Variants in GALNTL6 observed in about 807,000 individuals in gnomAD.
The protein encoded by GALNTL6 is polypeptide N-acetylgalactosaminyltransferase-like 6.
Under a neutral mutation model 73.7 loss-of-function variants are expected in GALNTL6, and 46 were observed. The observed-to-expected ratio is 0.62, with a 90% CI of 0.49 to 0.80. GALNTL6 has a LOEUF of 0.80. GALNTL6 is among the 30% of genes least tolerant of loss of function. GALNTL6 has a pLI of 0.00. For synonymous variants in GALNTL6, 259 were observed against 263.7 expected (o/e 0.98, Z 0.17); for missense variants, 604 against 755.0 (o/e 0.80, Z 2.34).
intron 5 of GALNTL6, among the ~76,000 whole-genome samples, chr4:172,412,692 T>C (rs187268130): frequency 6.6e-6 from 1 of 152,180 alleles, no homozygotes; most frequent in Admixed American, 6.6e-5. Flanking sequence ...AAGTCCTTCA[T>C]TGCTTGTGAA....
intron 5 of GALNTL6, among the ~76,000 whole-genome samples, chr4:172,593,751 C>T (rs748793242): frequency 1.7e-4 from 26 of 151,070 alleles, no homozygotes; most frequent in East Asian, 5.9e-4. Context: ...TTTTTTGAGA[C>T]GGAGTTTCGC....
intron 5 of GALNTL6, among the ~76,000 whole-genome samples, chr4:172,716,036 T>C (rs1338610273): frequency 6.6e-6 from 1 of 152,214 alleles, no homozygotes; most frequent in African/African-American, 2.4e-5. Context: ...TTTCCACAAC[T>C]GTAGCAATTT....
intron 2 of GALNTL6, among the ~76,000 whole-genome samples, chr4:172,221,557 T>TTGTGTG (rs35277058): frequency 6.6e-6 from 1 of 150,504 alleles, no homozygotes; most frequent in African/African-American, 2.4e-5. Flanking sequence ...TTTGTGGAGT[T>TTGTGTG]TGTGTGTGTG....
At chr4:172,211,632 C>T (rs1485728511) in intron 2 of GALNTL6, among the ~76,000 whole-genome samples, 1 of 152,146 alleles carries the variant, frequency 6.6e-6, no homozygotes, top group African/African-American at 2.4e-5. Context: ...GAGTACAGTC[C>T]TGTCTTTATC....
chr4:172,021,073 T>TA (rs1332589734), intron 2 of GALNTL6, among the ~76,000 whole-genome samples: 6 of 152,004 alleles, frequency 3.9e-5, no homozygotes, highest in Non-Finnish European at 7.4e-5. Context: ...CAATTGATGC[T>TA]AAAAAAATTG....
At chr4:172,746,797 A>C (rs1448006367) in intron 5 of GALNTL6, among the ~76,000 whole-genome samples, 4 of 152,110 alleles carry the variant, frequency 2.6e-5, no homozygotes, top group Non-Finnish European at 5.9e-5. Context: ...CAAGACAAGA[A>C]CGCCCATTTT....
At chr4:172,575,999 T>G (rs1009773008) in intron 5 of GALNTL6, among the ~76,000 whole-genome samples, 4 of 152,208 alleles carry the variant, frequency 2.6e-5, no homozygotes, top group Non-Finnish European at 5.9e-5. Flanking sequence ...TGGTCTGTAC[T>G]TTCAGCCCTT....
intron 2 of GALNTL6, among the ~76,000 whole-genome samples, chr4:172,055,680 G>A (rs1356959462): frequency 6.6e-6 from 1 of 152,136 alleles, no homozygotes; most frequent in Non-Finnish European, 1.5e-5. Context: ...TGCCTAAGCA[G>A]GTCCTCTGGG....
At chr4:172,365,318 T>TG (rs1166363604) in intron 5 of GALNTL6, among the ~76,000 whole-genome samples, 1 of 151,882 alleles carries the variant, frequency 6.6e-6, no homozygotes, top group Non-Finnish European at 1.5e-5. Flanking sequence ...TGTCTCTGGT[T>TG]GGGGAAGGGT....
At chr4:172,515,880 C>T (rs982535433) in intron 5 of GALNTL6, among the ~76,000 whole-genome samples, 7 of 152,188 alleles carry the variant, frequency 4.6e-5, no homozygotes, top group African/African-American at 9.6e-5. Context: ...AGACTCAATT[C>T]ATCAGAACTG....
At chr4:172,090,876 G>A (rs1309627617) in intron 2 of GALNTL6, among the ~76,000 whole-genome samples, 2 of 152,126 alleles carry the variant, frequency 1.3e-5, no homozygotes, top group African/African-American at 4.8e-5. Context: ...TTTGTATAAA[G>A]TGTAACGAAT....
intron 2 of GALNTL6, among the ~76,000 whole-genome samples, chr4:172,156,568 C>CTATATATATATATATATATAT (rs1560945829): frequency 4.3e-5 from 5 of 115,800 alleles, no homozygotes; most frequent in South Asian, 5.1e-4. Context: ...TATATATATA[C>CTATATATATATATATATATAT]ATACTATATA....
chr4:172,622,005 C>T (rs1031841817), intron 5 of GALNTL6, among the ~76,000 whole-genome samples: 1 of 152,126 alleles, frequency 6.6e-6, no homozygotes, highest in African/African-American at 2.4e-5. Context: ...TGCTGCCCAA[C>T]GTCAAGCTCT....
At chr4:172,431,631 T>C (rs1731455480) in intron 5 of GALNTL6, among the ~76,000 whole-genome samples, 1 of 152,158 alleles carries the variant, frequency 6.6e-6, no homozygotes, top group Admixed American at 6.5e-5. Context: ...GAATACCATA[T>C]TTCTAAAAAT....
At chr4:172,040,523 A>G (rs963434986) in intron 2 of GALNTL6, among the ~76,000 whole-genome samples, 4 of 152,070 alleles carry the variant, frequency 2.6e-5, no homozygotes, top group African/African-American at 9.7e-5. Flanking sequence ...TGTGAGAAAA[A>G]CAATTTGCTT....
chr4:172,034,898 T>C (rs922585135), intron 2 of GALNTL6, among the ~76,000 whole-genome samples: 8 of 151,990 alleles, frequency 5.3e-5, no homozygotes, highest in African/African-American at 1.4e-4. Context: ...ATTTAAAGAG[T>C]TGCAAATAAA....
At chr4:172,246,678 C>T (rs893139874) in intron 3 of GALNTL6, among the ~76,000 whole-genome samples, 2 of 151,740 alleles carry the variant, frequency 1.3e-5, no homozygotes, top group Non-Finnish European at 2.9e-5. Flanking sequence ...TCTTTACATA[C>T]TGCTTTCATG....
intron 2 of GALNTL6, among the ~76,000 whole-genome samples, chr4:172,219,082 C>T (rs1029117035): frequency 3.4e-5 from 5 of 148,860 alleles, no homozygotes; most frequent in African/African-American, 1.2e-4. Context: ...AAATTTCTGT[C>T]CATTTCAGAC....
chr4:172,511,691 TG>T (rs1378415700), intron 5 of GALNTL6, among the ~76,000 whole-genome samples: 1 of 55,528 alleles, frequency 1.8e-5, no homozygotes, highest in African/African-American at 4.5e-5. Context: ...ATTTCATTGT[TG>T]ACCCAACAAA....
Sources: allele counts gnomAD v4.1 joint callset (sites outside exome capture counted in the v4.1 genomes callset), GRCh38; gene constraint gnomAD v4.1.1; transcripts MANE v1.5; gene names NCBI Gene and HGNC (gene_info 2026-07-23, HGNC 2026-07-21).